Variants in MARCHF1 observed in about 807,000 individuals in gnomAD.
MARCHF1 encodes the protein E3 ubiquitin-protein ligase MARCHF1.
Under a neutral mutation model 54.2 loss-of-function variants are expected in MARCHF1, and 40 were observed. The observed-to-expected ratio is 0.74, with a 90% CI of 0.57 to 0.96. The LOEUF is 0.96. Among genes scored for constraint, MARCHF1 ranks in the 40% least tolerant of loss-of-function variants. The probability of loss-of-function intolerance (pLI) is 0.00; values close to 1 mark genes in which losing one functional copy is unlikely to be tolerated. For missense variants in MARCHF1, 586 were observed against 656.5 expected (o/e 0.89, Z 1.17); for synonymous variants, 236 against 236.3 (o/e 1.00, Z 0.01).
intron 4 of MARCHF1, among the ~76,000 whole-genome samples, chr4:163,839,681 G>T (rs2111125941): frequency 6.6e-6 from 1 of 152,182 alleles, no homozygotes; most frequent in East Asian, 1.9e-4. Flanking sequence ...GATCATAGTT[G>T]CCTAGTTGGA....
intron 4 of MARCHF1, among the ~76,000 whole-genome samples, chr4:163,824,546 A>G: frequency 9.0e-6 from 1 of 110,548 alleles, no homozygotes; most frequent in East Asian, 2.6e-4. Flanking sequence ...CCTAGAAGAA[A>G]ACCTAGGCAC....
At chr4:163,933,003 A>C in intron 3 of MARCHF1, 2 of 993,072 alleles carry the variant, frequency 2.0e-6, no homozygotes, top group South Asian at 2.5e-5. Flanking sequence ...GATACAATCC[A>C]CACATCCAAT....
At chr4:164,253,860 T>C (rs1020540391) in intron 1 of MARCHF1, among the ~76,000 whole-genome samples, 2 of 152,006 alleles carry the variant, frequency 1.3e-5, no homozygotes. Flanking sequence ...ATGAAACAAA[T>C]TACAGAACAC....
intron 3 of MARCHF1, among the ~76,000 whole-genome samples, chr4:163,914,655 T>C (rs4624620): frequency 0.54 from 82,359 of 152,028 alleles, 23,357 homozygotes; most frequent in Middle Eastern, 0.68. Context: ...GTCAAATATT[T>C]CCAAATTATT....
chr4:164,216,699 T>C (rs1731944492), intron 1 of MARCHF1, among the ~76,000 whole-genome samples: 1 of 152,148 alleles, frequency 6.6e-6, no homozygotes, highest in Admixed American at 6.5e-5. Context: ...ACTCTGTGTT[T>C]TTACCAATTT....
rs1734509039 is a variant in MARCHF1 at position 164,300,001 on chromosome 4, A to G, written c.-323+83869T>C. Among the ~76,000 whole-genome samples the G allele has an allele frequency of 2.0e-5, 3 of 152,182 alleles. No individual in the cohort carries two copies. In the South Asian group the frequency reaches 6.2e-4, roughly 32 times the overall value. On this transcript the variant is annotated intron_variant, in intron 1 of 9. Coordinates refer to ENST00000514618, the MANE Select transcript of MARCHF1 (RefSeq NM_001394959.1). ...AAATGTGTTCAGTTAGAAGAAAATT[A>G]CATGAATCAAACAAATATAAACCCC...
chr4:164,233,665 G>A (rs966434056), intron 1 of MARCHF1, among the ~76,000 whole-genome samples: 4 of 152,122 alleles, frequency 2.6e-5, no homozygotes, highest in Admixed American at 6.6e-5. Context: ...TCCTCCAAGT[G>A]TAGGTCCTAT....
At chr4:164,188,497 C>T in intron 1 of MARCHF1, 1 of 680,962 alleles carries the variant, frequency 1.5e-6, no homozygotes, top group South Asian at 1.6e-5. Flanking sequence ...CCACCTACTG[C>T]TGCGTCTGTG....
intron 5 of MARCHF1, among the ~76,000 whole-genome samples, chr4:163,699,963 GTT>G (rs35324736): frequency 2.1e-5 from 3 of 143,958 alleles, no homozygotes; most frequent in East Asian, 4.2e-4. Flanking sequence ...GGAATATTTT[GTT>G]TTTTTTTTTT....
intron 4 of MARCHF1, among the ~76,000 whole-genome samples, chr4:163,838,349 A>G (rs1244996628): frequency 6.6e-6 from 1 of 152,018 alleles, no homozygotes; most frequent in Non-Finnish European, 1.5e-5. Flanking sequence ...GTTATACCAT[A>G]TTTTTTAGGG....
chr4:163,709,466 C>A (rs537924517), intron 4 of MARCHF1, among the ~76,000 whole-genome samples: 4 of 152,108 alleles, frequency 2.6e-5, no homozygotes, highest in African/African-American at 9.6e-5. Flanking sequence ...TTTTTATAAT[C>A]TTTTAAACAA....
intron 1 of MARCHF1, among the ~76,000 whole-genome samples, chr4:164,208,685 G>C (rs1731678980): frequency 6.6e-6 from 1 of 152,162 alleles, no homozygotes; most frequent in African/African-American, 2.4e-5. Flanking sequence ...GAGAGTTCTG[G>C]GTATTGAAAT....
At chr4:163,710,331 C>T (rs1214871742) in intron 4 of MARCHF1, among the ~76,000 whole-genome samples, 1 of 152,136 alleles carries the variant, frequency 6.6e-6, no homozygotes, top group Non-Finnish European at 1.5e-5. Context: ...TTTGCCATTA[C>T]ATTCAATGAC....
intron 4 of MARCHF1, among the ~76,000 whole-genome samples, chr4:163,797,258 T>G (rs1390948918): frequency 6.6e-6 from 1 of 152,132 alleles, no homozygotes; most frequent in African/African-American, 2.4e-5. Flanking sequence ...GTAAGTGATC[T>G]GTCTTTTCTC....
At chr4:163,733,469 T>A (rs1432040520) in intron 4 of MARCHF1, among the ~76,000 whole-genome samples, 1 of 149,804 alleles carries the variant, frequency 6.7e-6, no homozygotes. Context: ...TTTATTATTA[T>A]TATACTTTAA....
chr4:163,542,569 CCATGCAG>C (rs1738754198), intron 9 of MARCHF1, among the ~76,000 whole-genome samples: 1 of 152,168 alleles, frequency 6.6e-6, no homozygotes, highest in Non-Finnish European at 1.5e-5. Flanking sequence ...AGGTAATCTA[CCATGCAG>C]TAAATGTGGA....
At chr4:164,218,476 G>T (rs532594043) in intron 1 of MARCHF1, among the ~76,000 whole-genome samples, 8 of 152,060 alleles carry the variant, frequency 5.3e-5, no homozygotes, top group Admixed American at 4.6e-4. Context: ...GAAAGGAATA[G>T]GAAGAAAATG....
At position 163,854,056 on chromosome 4, in the gene MARCHF1, C is replaced by T; in HGVS notation, c.76G>A (p.Gly26Arg). Residue 26 changes from glycine (G) to arginine (R), a missense_variant, in exon 4 of 10, where the codon GGG becomes AGG. Physicochemically the swap from Gly to Arg is moderately radical, Grantham distance 125. Coordinates refer to ENST00000514618, the MANE Select transcript of MARCHF1 (RefSeq NM_001394959.1). ...PNNTRTPEIS[G>R]DLADASQTST... is the part of the protein sequence containing the mutation. The stretch of plus-strand genomic sequence containing the variant: ...GTTTGTGAGGCGTCAGCCAAATCCC[C>T]TGAGATCTCGGGTGTTCGCGTGTTG... 2.0e-6 allele frequency: 3 copies of T among 1,536,908 alleles called. No individual in the cohort carries two copies. Among genetic ancestry groups the T allele is most frequent in the Non-Finnish European group, 2.6e-6 (3 of 1,146,678 alleles).
chr4:164,011,084 C>T (rs571813858), intron 2 of MARCHF1, among the ~76,000 whole-genome samples: 32 of 152,100 alleles, frequency 2.1e-4, no homozygotes, highest in African/African-American at 6.5e-4. Flanking sequence ...AAACTAGACC[C>T]CTATTCTCGA....
Sources: gnomAD v4.1 joint callset for allele counts (sites outside exome capture counted in the v4.1 genomes callset) on GRCh38, gnomAD v4.1.1 for gene constraint, MANE v1.5 for transcripts, NCBI Gene and HGNC (gene_info 2026-07-23, HGNC 2026-07-21) for gene names.